The following ZFHX3 variants were observed in gnomAD, a reference collection of about 807,000 sequenced individuals.
ZFHX3 encodes zinc finger homeobox protein 3.
In ZFHX3, 42 loss-of-function variants were observed where a neutral mutation model predicts 279.1. That is an observed-to-expected ratio of 0.15 (90% CI 0.12 to 0.19). The LOEUF (loss-of-function observed/expected upper bound fraction) is 0.19, where lower values mean the gene tolerates loss of function less well. ZFHX3 is among the 10% of genes least tolerant of loss of function. ZFHX3 has a pLI of 1.00. For missense variants in ZFHX3, 4,981 were observed against 4,754.0 expected (o/e 1.05, Z -1.40); for synonymous variants, 2,293 against 1,957.8 (o/e 1.17, Z -4.52).
intron 2 of ZFHX3, among the ~76,000 whole-genome samples, chr16:73,549,640 A>G (rs1279351904): frequency 6.6e-6 from 1 of 152,172 alleles, no homozygotes; most frequent in Non-Finnish European, 1.5e-5. Context: ...TTCTTAAAGA[A>G]CCTTATAATT....
intron 3 of ZFHX3, among the ~76,000 whole-genome samples, chr16:73,362,085 C>T (rs2016442313): frequency 6.6e-6 from 1 of 152,184 alleles, no homozygotes; most frequent in African/African-American, 2.4e-5. Context: ...GGGAGGATGA[C>T]AGCCAAGAAT....
intron 5 of ZFHX3, among the ~76,000 whole-genome samples, chr16:73,195,194 A>T (rs1421974782): frequency 2.6e-5 from 4 of 152,114 alleles, no homozygotes; most frequent in Non-Finnish European, 4.4e-5. Flanking sequence ...AAATTTCTTA[A>T]ATCACTTTCT....
chr16:73,484,800 T>C (rs12446444), intron 2 of ZFHX3, among the ~76,000 whole-genome samples: 1 of 152,194 alleles, frequency 6.6e-6, no homozygotes, highest in African/African-American at 2.4e-5. Flanking sequence ...TTCATCTATG[T>C]TCCTCCAGTT....
chr16:73,741,506 T>C (rs1378954393), intron 1 of ZFHX3, among the ~76,000 whole-genome samples: 2 of 152,018 alleles, frequency 1.3e-5, no homozygotes, highest in Admixed American at 1.3e-4. Context: ...GTGGAAGAGG[T>C]GGAAGAAATT....
chr16:73,541,837 CTG>C (rs2020021094), intron 2 of ZFHX3, among the ~76,000 whole-genome samples: 1 of 126,420 alleles, frequency 7.9e-6, no homozygotes, highest in Admixed American at 9.5e-5. Flanking sequence ...GAGTCTCACT[CTG>C]TCACCCAGGC....
At chr16:73,412,664 T>G (rs2143465045) in intron 3 of ZFHX3, among the ~76,000 whole-genome samples, 1 of 152,328 alleles carries the variant, frequency 6.6e-6, no homozygotes, top group Non-Finnish European at 1.5e-5. Flanking sequence ...AGTATCGGAC[T>G]TTAGACACAT....
At chr16:73,176,168 C>T (rs1219241904) in intron 5 of ZFHX3, among the ~76,000 whole-genome samples, 2 of 152,206 alleles carry the variant, frequency 1.3e-5, no homozygotes, top group Non-Finnish European at 2.9e-5. Flanking sequence ...GAGGCTCACA[C>T]TTTCATTTAT....
intron 1 of ZFHX3, among the ~76,000 whole-genome samples, chr16:73,758,651 C>T (rs548889422): frequency 5.3e-5 from 8 of 152,284 alleles, no homozygotes; most frequent in Admixed American, 2.6e-4. Flanking sequence ...AATACACAGG[C>T]GGATCTAACA....
rs56201004 is a variant in ZFHX3 at position 73,351,626 on chromosome 16, C to T, written c.-1290-33290G>A. On this transcript the variant is annotated intron_variant, in intron 3 of 17. Transcript: ENST00000641206. Reference sequence around the variant, plus strand: ...GTCTTAGAGGCCTTGGTCTCATGTGCCAATGAATATCAAGTCCTGGCTGTT... The same window carrying T: ...GTCTTAGAGGCCTTGGTCTCATGTGTCAATGAATATCAAGTCCTGGCTGTT... 5.7e-3 allele frequency among the ~76,000 whole-genome samples: 871 copies of T among 152,284 alleles called. 11 individuals are homozygous for T. The highest frequency in any genetic ancestry group is 0.019 in the African/African-American group (796 of 41,560).
intron 5 of ZFHX3, among the ~76,000 whole-genome samples, chr16:73,254,936 C>G (rs542474507): frequency 2.4e-4 from 37 of 152,196 alleles, no homozygotes; most frequent in African/African-American, 8.9e-4. Context: ...ACCCACCATC[C>G]ATCCATCCAT....
intron 3 of ZFHX3, among the ~76,000 whole-genome samples, chr16:73,436,821 C>T (rs990605082): frequency 3.3e-5 from 5 of 152,148 alleles, no homozygotes; most frequent in Non-Finnish European, 2.9e-5. Flanking sequence ...TCTCTATGCT[C>T]TGGTAGATGG....
chr16:73,419,285 T>C (rs1034655512), intron 3 of ZFHX3, among the ~76,000 whole-genome samples: 1 of 152,242 alleles, frequency 6.6e-6, no homozygotes, highest in Non-Finnish European at 1.5e-5. Context: ...GTAGCTATTA[T>C]TTATTGATAT....
chr16:73,702,162 C>A (rs915993271), intron 1 of ZFHX3, among the ~76,000 whole-genome samples: 21 of 151,964 alleles, frequency 1.4e-4, no homozygotes, highest in Admixed American at 4.6e-4. Context: ...AACAACCGCA[C>A]CCCCCACCCT....
intron 1 of ZFHX3, among the ~76,000 whole-genome samples, chr16:73,706,427 G>A (rs560333691): frequency 6.9e-6 from 1 of 145,394 alleles, no homozygotes; most frequent in East Asian, 2.0e-4. Context: ...CTGCACTCCA[G>A]CCTGGGTGAC....
chr16:73,507,485 CTTTTTTTTT>C (rs752001880), intron 2 of ZFHX3, among the ~76,000 whole-genome samples: 3 of 79,762 alleles, frequency 3.8e-5, no homozygotes, highest in African/African-American at 1.8e-4. Flanking sequence ...AGCTCTGCCA[CTTTTTTTTT>C]TTTTTTTTTT....
At chr16:73,219,270 G>A (rs1597226428) in intron 5 of ZFHX3, among the ~76,000 whole-genome samples, 4 of 152,142 alleles carry the variant, frequency 2.6e-5, no homozygotes, top group Non-Finnish European at 4.4e-5. Context: ...ACAGCATACA[G>A]ACCTATGCTG....
At chr16:73,168,263 C>CTTTCTTTCTTTCTTTCT in intron 5 of ZFHX3, among the ~76,000 whole-genome samples, 3 of 148,552 alleles carry the variant, frequency 2.0e-5, no homozygotes, top group African/African-American at 7.5e-5. Context: ...TTCTTTCTTT[C>CTTTCTTTCTTTCTTTCT]TTTCTTTCTT....
At chr16:73,496,962 G>A (rs553650964) in intron 2 of ZFHX3, among the ~76,000 whole-genome samples, 2 of 152,236 alleles carry the variant, frequency 1.3e-5, no homozygotes, top group East Asian at 3.9e-4. Context: ...CCTGGTTTCT[G>A]GGCTCTGTCC....
intron 2 of ZFHX3, among the ~76,000 whole-genome samples, chr16:73,599,234 T>A (rs183500008): frequency 1.2e-4 from 19 of 152,174 alleles, no homozygotes; most frequent in African/African-American, 4.6e-4. Context: ...GCCACGGGGG[T>A]GTCAGTAGAG....
Sources: allele counts gnomAD v4.1 joint callset (sites outside exome capture counted in the v4.1 genomes callset), GRCh38; gene constraint gnomAD v4.1.1; transcripts MANE v1.5; gene names NCBI Gene and HGNC (gene_info 2026-07-23, HGNC 2026-07-21).